The following VAV3 variants were observed in gnomAD, a reference collection of about 807,000 sequenced individuals.
The protein encoded by VAV3 is vav guanine nucleotide exchange factor 3.
Under a neutral mutation model 131.2 loss-of-function variants are expected in VAV3, and 94 were observed. That is an observed-to-expected ratio of 0.72 (90% CI 0.61 to 0.85). The LOEUF is 0.85. Ranked by LOEUF, VAV3 falls within the 40% of genes least tolerant of loss-of-function variation. VAV3 has a pLI of 0.00. For synonymous variants in VAV3, 349 were observed against 342.0 expected, an observed-to-expected ratio of 1.02 and a Z score of -0.22; for missense variants, 939 against 1,002.7, an observed-to-expected ratio of 0.94 and a Z score of 0.86.
At chr1:107,956,271 G>T (rs1674808864) in intron 1 of VAV3, among the ~76,000 whole-genome samples, 1 of 152,200 alleles carries the variant, frequency 6.6e-6, no homozygotes, top group African/African-American at 2.4e-5. Context: ...ATTAAGTTAA[G>T]TTTAAGGAAA....
At chr1:107,597,359 G>A (rs919630275) in intron 24 of VAV3, among the ~76,000 whole-genome samples, 3 of 152,144 alleles carry the variant, frequency 2.0e-5, no homozygotes, top group Non-Finnish European at 2.9e-5. Flanking sequence ...TCAGCTGAAA[G>A]AAGAAAAAGA....
At chr1:107,830,440 T>C (rs947454551) in intron 2 of VAV3, among the ~76,000 whole-genome samples, 8 of 151,830 alleles carry the variant, frequency 5.3e-5, no homozygotes, top group African/African-American at 1.9e-4. Flanking sequence ...TAAGCAAAAA[T>C]GAGGTAGGGG....
intron 15 of VAV3, among the ~76,000 whole-genome samples, chr1:107,706,116 T>G (rs942891351): frequency 1.3e-4 from 20 of 152,068 alleles, no homozygotes; most frequent in Non-Finnish European, 4.4e-5. Flanking sequence ...TGGATACAAA[T>G]CAGGGGTACA....
intron 20 of VAV3, among the ~76,000 whole-genome samples, chr1:107,620,338 T>C (rs1412706176): frequency 1.3e-5 from 2 of 152,198 alleles, no homozygotes; most frequent in East Asian, 1.9e-4. Context: ...TTTATAATGA[T>C]GGTGCTCCCA....
At chr1:107,659,074 T>C (rs1374168119) in intron 19 of VAV3, among the ~76,000 whole-genome samples, 1 of 152,180 alleles carries the variant, frequency 6.6e-6, no homozygotes, top group Non-Finnish European at 1.5e-5. Context: ...AGGGTTTTTA[T>C]GGTTTTAGGT....
intron 1 of VAV3, among the ~76,000 whole-genome samples, chr1:107,911,490 T>C (rs759714861): frequency 2.6e-4 from 40 of 152,334 alleles, no homozygotes; most frequent in African/African-American, 9.4e-4. Context: ...ATGTGTTATA[T>C]AGCAGGGTAT....
At chr1:107,666,187 A>G (rs988519777) in intron 19 of VAV3, among the ~76,000 whole-genome samples, 16 of 152,200 alleles carry the variant, frequency 1.1e-4, no homozygotes, top group African/African-American at 3.6e-4. Flanking sequence ...ATTTGAAATC[A>G]TGAAATCCAA....
chr1:107,833,411 G>A (rs1457948984), intron 2 of VAV3, among the ~76,000 whole-genome samples: 1 of 152,084 alleles, frequency 6.6e-6, no homozygotes, highest in East Asian at 1.9e-4. Context: ...TGGTTCATAA[G>A]GTTTTAAGAA....
chr1:107,706,536 T>C (rs1660465364), intron 15 of VAV3, among the ~76,000 whole-genome samples: 1 of 152,216 alleles, frequency 6.6e-6, no homozygotes, highest in Non-Finnish European at 1.5e-5. Flanking sequence ...GACATTTCCA[T>C]GGAGGCATTT....
chr1:107,838,487 T>C (rs928709532), intron 2 of VAV3, among the ~76,000 whole-genome samples: 15 of 152,344 alleles, frequency 9.8e-5, no homozygotes, highest in Non-Finnish European at 1.9e-4. Flanking sequence ...AGAACACTTT[T>C]ACACTGTTGA....
intron 1 of VAV3, among the ~76,000 whole-genome samples, chr1:107,886,257 T>C (rs1322321222): frequency 6.6e-6 from 1 of 152,208 alleles, no homozygotes; most frequent in Non-Finnish European, 1.5e-5. Flanking sequence ...TTTATACACA[T>C]AACCCGATGA....
At chr1:107,843,526 T>C (rs904556388) in intron 2 of VAV3, among the ~76,000 whole-genome samples, 1 of 146,740 alleles carries the variant, frequency 6.8e-6, no homozygotes, top group East Asian at 2.0e-4. Flanking sequence ...TATGTGTGCG[T>C]GTGTGTGTGT....
At chr1:107,748,694 A>C (rs1663511255) in intron 15 of VAV3, among the ~76,000 whole-genome samples, 1 of 152,198 alleles carries the variant, frequency 6.6e-6, no homozygotes, top group Admixed American at 6.5e-5. Context: ...GCTGAGAGCT[A>C]AAGAACTAAA....
At chr1:107,838,671 C>A (rs1668572463) in intron 2 of VAV3, among the ~76,000 whole-genome samples, 1 of 152,160 alleles carries the variant, frequency 6.6e-6, no homozygotes, top group South Asian at 2.1e-4. Flanking sequence ...CATTGCAGCA[C>A]TATTCACAAT....
At chr1:107,794,701 T>C (rs890396287) in intron 2 of VAV3, among the ~76,000 whole-genome samples, 3 of 152,230 alleles carry the variant, frequency 2.0e-5, no homozygotes, top group Non-Finnish European at 4.4e-5. Flanking sequence ...AAGACTTCTT[T>C]TTCTGGGTCT....
intron 4 of VAV3, among the ~76,000 whole-genome samples, chr1:107,773,505 C>T (rs1033616877): frequency 6.6e-6 from 1 of 152,164 alleles, no homozygotes; most frequent in African/African-American, 2.4e-5. Flanking sequence ...ACCAGTCCCC[C>T]ATCAACCAGA....
intron 20 of VAV3, among the ~76,000 whole-genome samples, chr1:107,637,691 AG>A (rs1350239707): frequency 1.3e-5 from 2 of 152,216 alleles, no homozygotes; most frequent in Non-Finnish European, 2.9e-5. Context: ...AGGCCTAGAT[AG>A]CTTCCCTAGT....
chr1:107,915,756 T>C (rs527930197), intron 1 of VAV3, among the ~76,000 whole-genome samples: 12 of 152,322 alleles, frequency 7.9e-5, no homozygotes, highest in Non-Finnish European at 1.5e-4. Flanking sequence ...CAGTAAGTCT[T>C]TGATTAGTGA....
chr1:107,751,533 C>T (rs910713142), intron 12 of VAV3, among the ~76,000 whole-genome samples: 4 of 152,150 alleles, frequency 2.6e-5, no homozygotes, highest in Non-Finnish European at 5.9e-5. Flanking sequence ...GCATCTACTA[C>T]GTGCCAACCA....
Sources: allele counts gnomAD v4.1 joint callset (sites outside exome capture counted in the v4.1 genomes callset), GRCh38; gene constraint gnomAD v4.1.1; transcripts MANE v1.5; gene names NCBI Gene and HGNC (gene_info 2026-07-23, HGNC 2026-07-21).